CASD1: variants seen among roughly 807,000 people sequenced by gnomAD.
CASD1 encodes the protein CAS1 domain sialic acid O acetyltransferase 1.
Under a neutral mutation model 100.0 loss-of-function variants are expected in CASD1, and 41 were observed. The observed-to-expected ratio is 0.41, with a 90% CI of 0.32 to 0.53. CASD1 has a LOEUF of 0.53. Among genes scored for constraint, CASD1 ranks in the 20% least tolerant of loss-of-function variants. The pLI is 0.25. For synonymous variants in CASD1, 321 were observed against 315.6 expected, an observed-to-expected ratio of 1.02 and a Z score of -0.18; for missense variants, 774 against 948.7, an observed-to-expected ratio of 0.82 and a Z score of 2.42.
chr7:94,602,333 GAGA>G, the CASD1 span, among the ~76,000 whole-genome samples: 2 of 152,150 alleles, frequency 1.3e-5, no homozygotes, highest in South Asian at 2.1e-4. Context: ...CAAGAGGCAT[GAGA>G]AGGAGAGTTC....
chr7:94,582,824 T>A, the CASD1 span, among the ~76,000 whole-genome samples: 2 of 152,224 alleles, frequency 1.3e-5, no homozygotes, highest in African/African-American at 4.8e-5. Context: ...TCCAGTAGAA[T>A]GTAAACTCCT....
the CASD1 span, among the ~76,000 whole-genome samples, chr7:94,581,817 A>G: frequency 5.3e-5 from 8 of 152,196 alleles, no homozygotes; most frequent in Non-Finnish European, 8.8e-5. Context: ...GCTGTTGTGA[A>G]TAGTGCTGCA....
At chr7:94,549,462 T>C in intron 13 of CASD1, 71 bp from the exon 14 acceptor site, 1 of 1,037,986 alleles carries the variant, frequency 9.6e-7, no homozygotes, top group Non-Finnish European at 1.4e-6. Flanking sequence ...AAAACTATAA[T>C]CTGTAATAGA....
intron 4 of CASD1, among the ~76,000 whole-genome samples, chr7:94,527,965 T>C (rs1794657263): frequency 6.6e-6 from 1 of 152,182 alleles, no homozygotes; most frequent in African/African-American, 2.4e-5. Flanking sequence ...TTTTAAAAGA[T>C]TGCTCTGGCT....
the CASD1 span, among the ~76,000 whole-genome samples, chr7:94,565,881 T>A: frequency 6.6e-6 from 1 of 152,186 alleles, no homozygotes; most frequent in South Asian, 2.1e-4. Flanking sequence ...AGGGGAAAGG[T>A]ACCAGGGGTA....
At chr7:94,580,215 A>G in the CASD1 span, among the ~76,000 whole-genome samples, 2 of 152,142 alleles carry the variant, frequency 1.3e-5, no homozygotes, top group African/African-American at 4.8e-5. Context: ...ATATGACCAC[A>G]TCCTATTTTT....
chr7:94,620,404 C>A, the CASD1 span: 11 of 151,946 alleles, frequency 7.2e-5, 1 homozygote, highest in Admixed American at 3.3e-4. Flanking sequence ...AATGTATAGC[C>A]CATCTGCAAT....
the CASD1 span, among the ~76,000 whole-genome samples, chr7:94,565,391 A>G: frequency 6.6e-6 from 1 of 152,046 alleles, no homozygotes; most frequent in South Asian, 2.1e-4. Flanking sequence ...CTTACCACCC[A>G]CTGAAGGTAT....
the CASD1 span, chr7:94,589,753 C>A: frequency 5.5e-6 from 1 of 183,062 alleles, no homozygotes. Flanking sequence ...TGTCCCCCAT[C>A]ACCCCCTGAT....
At chr7:94,549,410 A>AT in intron 13 of CASD1, 123 bp from the exon 14 acceptor site, 1 of 472,548 alleles carries the variant, frequency 2.1e-6, no homozygotes, top group East Asian at 3.4e-5. Flanking sequence ...ATAAAACAGA[A>AT]TTTTAACATT....
At chr7:94,519,752 C>T (rs578090827) in intron 3 of CASD1, among the ~76,000 whole-genome samples, 2 of 152,290 alleles carry the variant, frequency 1.3e-5, no homozygotes, top group South Asian at 4.1e-4. Context: ...AGCAATTCTT[C>T]CATCTTGGCC....
At chr7:94,614,077 CA>C in the CASD1 span, among the ~76,000 whole-genome samples, 1 of 125,984 alleles carries the variant, frequency 7.9e-6, no homozygotes, top group Non-Finnish European at 1.6e-5. Flanking sequence ...CTGCATTTGG[CA>C]CTTAATTTTC....
chr7:94,570,637 G>A, the CASD1 span, among the ~76,000 whole-genome samples: 1 of 152,074 alleles, frequency 6.6e-6, no homozygotes. Context: ...TGGGACTACA[G>A]ACGTGCACCA....
At chr7:94,583,942 CTT>C in the CASD1 span, among the ~76,000 whole-genome samples, 1 of 152,162 alleles carries the variant, frequency 6.6e-6, no homozygotes, top group African/African-American at 2.4e-5. Flanking sequence ...TATCTGGACT[CTT>C]TTCCCCATCA....
At chr7:94,535,566 T>C in intron 8 of CASD1, 43 bp downstream of exon 8, 1 of 1,373,340 alleles carries the variant, frequency 7.3e-7, no homozygotes, top group Non-Finnish European at 1.0e-6. Context: ...GACTATAATA[T>C]CAATTGCTTT....
At chr7:94,560,363 T>A (rs1346512819), downstream of CASD1, among the ~76,000 whole-genome samples, 1 of 152,184 alleles carries the variant, frequency 6.6e-6, no homozygotes, top group Non-Finnish European at 1.5e-5. Flanking sequence ...CTAGACCCTG[T>A]CACTGGGAGA....
intron 12 of CASD1, among the ~76,000 whole-genome samples, chr7:94,545,967 A>G (rs1430830316): frequency 1.3e-5 from 2 of 152,008 alleles, no homozygotes; most frequent in South Asian, 2.1e-4. Flanking sequence ...ACCATTTTAC[A>G]TATTAACTAA....
the CASD1 span, chr7:94,600,923 T>A: frequency 7.8e-7 from 1 of 1,280,332 alleles, no homozygotes; most frequent in Non-Finnish European, 1.1e-6. Context: ...TTTTAAGATC[T>A]GGATACACTA....
chr7:94,559,897 C>T (rs568900233), downstream of CASD1, among the ~76,000 whole-genome samples: 462 of 152,138 alleles, frequency 3.0e-3, 4 homozygotes, highest in African/African-American at 0.011. Context: ...ATGTATTTTC[C>T]CTTTATTTTC....
Sources: gnomAD v4.1 joint callset for allele counts (sites outside exome capture counted in the v4.1 genomes callset) on GRCh38, gnomAD v4.1.1 for gene constraint, MANE v1.5 for transcripts, NCBI Gene and HGNC (gene_info 2026-07-23, HGNC 2026-07-21) for gene names.